ABTB1: variants seen among roughly 807,000 people sequenced by gnomAD.
The protein encoded by ABTB1 is ankyrin repeat and BTB/POZ domain-containing protein 1.
ABTB1 carries 45 observed loss-of-function variants against 57.1 expected under a neutral mutation model. The ratio of observed to expected loss-of-function variants is 0.79; its 90% CI spans 0.62 to 1.01. The LOEUF is 1.01. ABTB1 is among the 50% of genes least tolerant of loss of function. The pLI is 0.00. For missense variants in ABTB1, 630 were observed against 666.3 expected (o/e 0.95, Z 0.60); for synonymous variants, 302 against 275.4 (o/e 1.10, Z -0.95).
chr3:127,677,805 A>G lies in ABTB1; in HGVS notation c.991A>G (p.Thr331Ala). 4.3e-6 allele frequency: 7 copies of G among 1,612,510 alleles called. No homozygotes were observed. The highest frequency in any genetic ancestry group is 1.1e-5 in the South Asian group (1 of 90,902). ...TLHGISPDVF[T>A]HVLYYMYSDH... The stretch of plus-strand genomic sequence containing the variant: ...GCATGGCATCTCACCCGACGTCTTC[A>G]CTCACGTGCTCTACTACATGTACAG... The change falls in exon 10 of 12, where the codon ACT becomes GCT. Residue 331 changes from threonine (T) to alanine (A), a missense_variant. Thr to Ala is a moderately conservative substitution (Grantham distance 58, BLOSUM62 0). Coordinates refer to ENST00000232744, the MANE Select transcript of ABTB1 (RefSeq NM_172027.3).
Position 127,676,738 on chromosome 3 carries a change from G to C in ABTB1, c.526+157G>C, listed in dbSNP as rs2074992363. On this transcript the variant is annotated intron_variant, in intron 6 of 11. Transcript: ENST00000232744. The surrounding 1 kb of genome is among the most constrained non-coding windows in gnomAD (Gnocchi z 5.4). ...CTCTCGGGTTGGGTTGCAAGAGAGA[G>C]GACTAGTGTGCCTGCTCAGGAAGAG... The C allele has an allele frequency of 6.1e-6, 6 of 976,600 alleles. No homozygotes were observed. In the South Asian group the frequency reaches 9.3e-5, roughly 15 times the overall value. 60.5% of individuals were successfully genotyped at this position (976,600 alleles called of 1,614,324 possible).
In ABTB1 at chr3:127,677,846, G is replaced by C. The variant is rs752236637; in HGVS notation, c.1029+3G>C. On this transcript the variant is annotated splice_donor_region_variant and intron_variant, in intron 10 of 11. Coordinates refer to ENST00000232744, the MANE Select transcript of ABTB1 (RefSeq NM_172027.3). ...ACATGTACAGCGACCACACTGAGGT[G>C]GGGGCTCAGGCAGAGCTGGGGATGG... The C allele has an allele frequency of 8.7e-6, 14 of 1,610,720 alleles. No individual in the cohort carries two copies. The South Asian group carries it at 1.5e-4, about 18-fold the overall frequency.
chr3:127,674,446 A>AC lies in ABTB1; in HGVS notation c.117dup (p.Tyr41ValfsTer30). 1 of 670,318 alleles carries AC rather than the reference A, an allele frequency of 1.5e-6. No individual in the cohort carries two copies. The highest frequency in any genetic ancestry group is 2.3e-6 in the Non-Finnish European group (1 of 431,616). 41.5% of individuals were successfully genotyped at this position (670,318 alleles called of 1,614,324 possible). A position where few individuals can be genotyped will look rare whatever the true frequency, so the allele number is the denominator to read the frequency against. On this transcript the variant is annotated frameshift_variant, in exon 2 of 12. Coordinates refer to ENST00000232744, the MANE Select transcript of ABTB1 (RefSeq NM_172027.3). LOFTEE classifies it high-confidence loss of function. The stretch of plus-strand genomic sequence containing the variant: ...GAATGTGCGGGACAAGTGGGACAGC[A>AC]CCCCCTTGTGAGTGCTGGAGAGAGG...
chr3:127,677,362 C>A, intron 8 of ABTB1, 76 bp downstream of exon 8: 1 of 1,559,560 alleles, frequency 6.4e-7, no homozygotes, highest in South Asian at 1.1e-5. Context: ...TACTTGGGCT[C>A]AATTCCTTGT....
chr3:127,677,385 C>G (rs952548267), intron 8 of ABTB1, 80 bp from the exon 9 acceptor site: 84 of 1,570,816 alleles, frequency 5.3e-5, no homozygotes, highest in Admixed American at 4.2e-4. Flanking sequence ...GGTCCTGGAC[C>G]AGTTACTTCC....
Position 127,673,073 on chromosome 3 carries a change from C to T in ABTB1, c.48C>T (p.Gly16=). 2 of 1,572,362 alleles carry T rather than the reference C, an allele frequency of 1.3e-6. No homozygotes were observed. Among genetic ancestry groups the T allele is most frequent in the Non-Finnish European group, 1.7e-6 (2 of 1,159,326 alleles). Residue 16 remains glycine, a synonymous_variant, in exon 1 of 12, where the codon GGC becomes GGT. Coordinates refer to ENST00000232744, the MANE Select transcript of ABTB1 (RefSeq NM_172027.3). ...LFASCRKGDV[G]RVRYLLEQRD... ...CCAGCTGCAGGAAGGGGGATGTGGG[C>T]CGAGTGCGGTGAGGACCTCGCAGTC... is the stretch of plus-strand genomic sequence containing the variant.
chr3:127,679,723 C>T, intron 10 of ABTB1: 2 of 585,114 alleles, frequency 3.4e-6, no homozygotes, highest in Admixed American at 2.3e-5. Flanking sequence ...TGCGAGGGCC[C>T]TGCCTCCCGC....
Position 127,677,684 on chromosome 3 carries a change from C to T in ABTB1, c.870C>T (p.Phe290=). The T allele has an allele frequency of 6.2e-7, 1 of 1,610,546 alleles. No individual in the cohort carries two copies. The highest frequency in any genetic ancestry group is 1.7e-5 in the Admixed American group (1 of 59,370). Residue 290 remains phenylalanine (F), a synonymous_variant, in exon 10 of 12, where the codon TTC becomes TTT. Transcript: ENST00000232744. The part of the protein sequence containing the change: ...GCSFLCHKAF[F]CGRSDYFRAL... ...AGCCCGGCCTCCCCCAGGCCTTTTT[C>T]TGTGGCCGCAGTGACTACTTCCGAG...
chr3:127,672,974 T>C lies in ABTB1; in HGVS notation c.-52T>C. 1 of 1,514,708 alleles carries C rather than the reference T, an allele frequency of 6.6e-7. No individual in the cohort carries two copies. 93.8% of individuals were successfully genotyped at this position (1,514,708 alleles called of 1,614,324 possible). ...GCTGAGCGTGTTTACATCCGCCGGG[T>C]GCGCGGCTTCGCCGCCCGAGGTCGT... On this transcript the variant is annotated 5_prime_UTR_variant, in exon 1 of 12. Transcript: ENST00000232744.
At chr3:127,677,615 C>T (rs771354283) in intron 9 of ABTB1, 52 bp downstream of exon 9, 9 of 1,613,162 alleles carry the variant, frequency 5.6e-6, no homozygotes, top group African/African-American at 1.3e-5. Flanking sequence ...CCTGAGCCCC[C>T]GTCTAGCTCC....
rs2074996666 is a variant in ABTB1 at position 127,676,960 on chromosome 3, C to T, written c.527-7C>T. On this transcript the variant is annotated splice_polypyrimidine_tract_variant and splice_region_variant and intron_variant, in intron 6 of 11. Transcript: ENST00000232744. The surrounding 1 kb of genome is among the most constrained non-coding windows in gnomAD (Gnocchi z 5.4). ...CCGCAGGCCCTCATCCTCCCCACTGCCCCCAGGCCGCCTGGACATTGGCGT... is the reference window on the plus strand; with the variant it reads ...CCGCAGGCCCTCATCCTCCCCACTGTCCCCAGGCCGCCTGGACATTGGCGT... The T allele has an allele frequency of 6.2e-6, 10 of 1,612,218 alleles. No homozygotes were observed. The highest frequency in any genetic ancestry group is 1.3e-5 in the African/African-American group (1 of 75,040).
intron 10 of ABTB1, 126 bp downstream of exon 10, chr3:127,677,969 C>G: frequency 1.6e-6 from 2 of 1,248,592 alleles, no homozygotes; most frequent in Non-Finnish European, 2.2e-6. Flanking sequence ...TTTGAGAAGG[C>G]TGGAGGGGAA....
rs766531194 is a variant in ABTB1 at position 127,677,498 on chromosome 3, G to A, written c.796G>A (p.Asp266Asn). The A allele has an allele frequency of 4.1e-5, 66 of 1,614,000 alleles. No homozygotes were observed. The highest frequency in any genetic ancestry group is 5.3e-5 in the Non-Finnish European group (63 of 1,180,022). ...TTGGGAGCTGCCCTTCCCTTGTCCTGACGGCTTCAACAGCTGCCCTGACAT... is the reference window on the plus strand; with the variant it reads ...TTGGGAGCTGCCCTTCCCTTGTCCTAACGGCTTCAACAGCTGCCCTGACAT... ...DLWELPFPCP[D>N]GFNSCPDICF... The change falls in exon 9 of 12, where the codon GAC (aspartate) becomes AAC (asparagine). Residue 266 changes from aspartate (D) to asparagine (N), a missense_variant. Physicochemically the swap from Asp to Asn is conservative, Grantham distance 23 (BLOSUM62 1). This residue lies in a region of ABTB1 where 579 missense variants were observed against 585.9 expected (regional missense o/e 0.99). Coordinates refer to ENST00000232744, the MANE Select transcript of ABTB1 (RefSeq NM_172027.3).
chr3:127,679,896 C>G, intron 10 of ABTB1, 89 bp from the exon 11 acceptor site: 2 of 1,389,036 alleles, frequency 1.4e-6, no homozygotes, highest in Non-Finnish European at 1.0e-6. Context: ...CCAGTGCCCC[C>G]CAACCACCAC....
intron 1 of ABTB1, chr3:127,673,629 C>T (rs961402366): frequency 6.5e-6 from 1 of 152,814 alleles, no homozygotes; most frequent in East Asian, 1.9e-4. Context: ...GGGGCCCTTC[C>T]CCTCCTTGGG....
intron 3 of ABTB1, 82 bp from the exon 4 acceptor site, chr3:127,675,888 G>A: frequency 1.3e-6 from 2 of 1,535,876 alleles, no homozygotes; most frequent in Non-Finnish European, 1.8e-6. Context: ...CCCATGTGTG[G>A]GAAGGTGGGG....
Position 127,673,007 on chromosome 3 carries a change from G to T in ABTB1, c.-19G>T. On this transcript the variant is annotated 5_prime_UTR_variant, in exon 1 of 12. Coordinates refer to ENST00000232744, the MANE Select transcript of ABTB1 (RefSeq NM_172027.3). ...TTCGCCGCCCGAGGTCGTTCGGCTC[G>T]GGTACCATCCTCCGCGCCATGGACA... 2 of 1,555,764 alleles carry T rather than the reference G, an allele frequency of 1.3e-6. No individual in the cohort carries two copies. Among genetic ancestry groups the T allele is most frequent in the South Asian group, 1.2e-5 (1 of 85,358 alleles).
chr3:127,675,164 T>G (rs1385481308), intron 3 of ABTB1, among the ~76,000 whole-genome samples: 1 of 151,864 alleles, frequency 6.6e-6, no homozygotes, highest in Non-Finnish European at 1.5e-5. Flanking sequence ...CATGGCCCAC[T>G]CCCCCTTCAT....
chr3:127,674,927 C>G (rs1441874676), intron 3 of ABTB1, among the ~76,000 whole-genome samples: 1 of 152,198 alleles, frequency 6.6e-6, no homozygotes, highest in Non-Finnish European at 1.5e-5. Flanking sequence ...CCAGCAAGTT[C>G]CCATTGCCTC....
Sources: allele counts gnomAD v4.1 joint callset (sites outside exome capture counted in the v4.1 genomes callset), GRCh38; gene constraint gnomAD v4.1.1; regional missense constraint gnomAD v4.1.1; non-coding constraint Gnocchi (gnomAD v3.1); transcripts MANE v1.5; gene names NCBI Gene and HGNC (gene_info 2026-07-23, HGNC 2026-07-21).